Variants in RAD51B observed in about 807,000 individuals in gnomAD.
RAD51B encodes the protein DNA repair protein RAD51 homolog 2.
In RAD51B, 38 loss-of-function variants were observed where a neutral mutation model predicts 42.2. The observed-to-expected ratio is 0.90, with a 90% CI of 0.70 to 1.18. The LOEUF (loss-of-function observed/expected upper bound fraction) is 1.18. Ranked by LOEUF, RAD51B falls within the 50% of genes most tolerant of loss-of-function variation. The pLI is 0.00. For synonymous variants in RAD51B, 154 were observed against 145.2 expected, an observed-to-expected ratio of 1.06 and a Z score of -0.43; for missense variants, 373 against 400.7, an observed-to-expected ratio of 0.93 and a Z score of 0.59.
intron 5 of RAD51B, among the ~76,000 whole-genome samples, chr14:67,867,630 G>A (rs1017523755): frequency 1.3e-5 from 2 of 152,320 alleles, no homozygotes; most frequent in Non-Finnish European, 2.9e-5. Flanking sequence ...GGAGAAGATC[G>A]TCGTAACAAT....
Position 68,279,277 on chromosome 14 carries a change from G to A in RAD51B, c.757-12607G>A, listed in dbSNP as rs117431784. Among the ~76,000 whole-genome samples, 160 of 152,344 alleles carry A rather than the reference G, an allele frequency of 1.1e-3. No individual in the cohort carries two copies. The Middle Eastern group carries it at 0.02, about 19-fold the overall frequency. On this transcript the variant is annotated intron_variant, in intron 7 of 10. Coordinates refer to ENST00000471583, the MANE Select transcript of RAD51B (RefSeq NM_133510.4). Reference sequence around the variant, plus strand: ...AGCTTGCTTGTCCTCTCATTCCAAAGCATGTGGGCATCTGTTCTCGGCAGT... The same window carrying A: ...AGCTTGCTTGTCCTCTCATTCCAAAACATGTGGGCATCTGTTCTCGGCAGT...
intron 7 of RAD51B, among the ~76,000 whole-genome samples, chr14:68,002,669 T>C (rs2075507953): frequency 6.6e-6 from 1 of 152,198 alleles, no homozygotes; most frequent in African/African-American, 2.4e-5. Flanking sequence ...GGGTTTTACA[T>C]TTAAGTCTTT....
At chr14:68,091,507 G>A (rs2077098811) in intron 7 of RAD51B, among the ~76,000 whole-genome samples, 1 of 152,192 alleles carries the variant, frequency 6.6e-6, no homozygotes, top group South Asian at 2.1e-4. Context: ...CTTCTTTTGA[G>A]AAGTGTCTGT....
At chr14:68,641,904 T>G (rs1251486629) in intron 10 of RAD51B, among the ~76,000 whole-genome samples, 1 of 151,996 alleles carries the variant, frequency 6.6e-6, no homozygotes. Flanking sequence ...TGGATTACAT[T>G]AACTGATTTT....
chr14:68,025,230 G>C (rs2075933912), intron 7 of RAD51B, among the ~76,000 whole-genome samples: 2 of 152,034 alleles, frequency 1.3e-5, no homozygotes, highest in Non-Finnish European at 2.9e-5. Flanking sequence ...TTGATATGCT[G>C]CTGGATTCAG....
At chr14:68,261,347 G>T (rs2080885211) in intron 7 of RAD51B, among the ~76,000 whole-genome samples, 1 of 152,232 alleles carries the variant, frequency 6.6e-6, no homozygotes, top group Non-Finnish European at 1.5e-5. Flanking sequence ...AGGCCTCAAA[G>T]GTTCCCGGAG....
chr14:68,545,059 G>C (rs765235887), intron 10 of RAD51B, among the ~76,000 whole-genome samples: 9 of 152,174 alleles, frequency 5.9e-5, no homozygotes, highest in Non-Finnish European at 8.8e-5. Flanking sequence ...GAATGGGGTT[G>C]GTTCTTCACA....
intron 10 of RAD51B, among the ~76,000 whole-genome samples, chr14:68,624,486 C>G (rs2140117755): frequency 6.6e-6 from 1 of 152,298 alleles, no homozygotes; most frequent in East Asian, 1.9e-4. Flanking sequence ...GAAGTGGGGT[C>G]AAGGGATGGA....
chr14:68,014,531 T>C (rs1396046642), intron 7 of RAD51B, among the ~76,000 whole-genome samples: 2 of 152,128 alleles, frequency 1.3e-5, no homozygotes, highest in Admixed American at 6.6e-5. Context: ...AGGTGGAGTG[T>C]TTAACATCTT....
At chr14:68,060,161 C>T (rs912117432) in intron 7 of RAD51B, among the ~76,000 whole-genome samples, 1 of 152,112 alleles carries the variant, frequency 6.6e-6, no homozygotes, top group East Asian at 1.9e-4. Flanking sequence ...TGGAGTAGGT[C>T]AGTGTTTCTT....
At chr14:67,841,695 T>C (rs1304482395) in intron 4 of RAD51B, among the ~76,000 whole-genome samples, 2 of 152,164 alleles carry the variant, frequency 1.3e-5, no homozygotes, top group African/African-American at 4.8e-5. Context: ...CATTTTTTTA[T>C]TTTCGTTGAC....
At chr14:68,365,238 T>G (rs1325201327) in intron 8 of RAD51B, among the ~76,000 whole-genome samples, 1 of 152,184 alleles carries the variant, frequency 6.6e-6, no homozygotes, top group East Asian at 1.9e-4. Context: ...GGCCTGTAAG[T>G]AGAATAAAGA....
intron 7 of RAD51B, among the ~76,000 whole-genome samples, chr14:68,169,148 G>T (rs1012929060): frequency 6.6e-6 from 1 of 152,008 alleles, no homozygotes; most frequent in African/African-American, 2.4e-5. Flanking sequence ...AATGAATTTT[G>T]GTCTCTTTTT....
chr14:68,477,844 G>T lies in RAD51B; in HGVS notation c.*180G>T, dbSNP rs1566906323. On this transcript the variant is annotated 3_prime_UTR_variant, in exon 11 of 11. Transcript: ENST00000471583. The stretch of plus-strand genomic sequence containing the variant: ...AGCTAGCGATTTCAGACCTAGCAGG[G>T]AAGGTGAAGATGAAGAAGCCTTTGT... 2 of 1,435,642 alleles carry T rather than the reference G, an allele frequency of 1.4e-6. No individual in the cohort carries two copies. The highest frequency in any genetic ancestry group is 2.5e-5 in the East Asian group (1 of 39,416). 88.9% of individuals were successfully genotyped at this position (1,435,642 alleles called of 1,614,324 possible). A position where few individuals can be genotyped will look rare whatever the true frequency, so the allele number is the denominator to read the frequency against.
chr14:68,257,251 G>A (rs1053122255), intron 7 of RAD51B, among the ~76,000 whole-genome samples: 2 of 152,086 alleles, frequency 1.3e-5, no homozygotes, highest in Non-Finnish European at 2.9e-5. Context: ...TTGGGAATAA[G>A]AAAACATTTT....
At chr14:68,079,684 A>G (rs1389207104) in intron 7 of RAD51B, among the ~76,000 whole-genome samples, 4 of 152,246 alleles carry the variant, frequency 2.6e-5, no homozygotes, top group Non-Finnish European at 4.4e-5. Context: ...GTATATTAAA[A>G]ACATTAAAGA....
intron 8 of RAD51B, among the ~76,000 whole-genome samples, chr14:68,373,709 A>G (rs1247246222): frequency 6.6e-6 from 1 of 152,214 alleles, no homozygotes; most frequent in Non-Finnish European, 1.5e-5. Flanking sequence ...TGGGTGCAGC[A>G]AACCACCATG....
At chr14:68,199,723 G>C (rs927478285) in intron 7 of RAD51B, among the ~76,000 whole-genome samples, 1 of 152,186 alleles carries the variant, frequency 6.6e-6, no homozygotes, top group Non-Finnish European at 1.5e-5. Flanking sequence ...TCTCCCTCTA[G>C]GGAGGGCCTG....
At chr14:68,439,361 CTTG>C (rs932216406) in intron 9 of RAD51B, among the ~76,000 whole-genome samples, 2 of 152,180 alleles carry the variant, frequency 1.3e-5, no homozygotes, top group African/African-American at 2.4e-5. Context: ...GTGGTAGCTT[CTTG>C]TTGTTGCTAA....
Sources: allele counts gnomAD v4.1 joint callset (sites outside exome capture counted in the v4.1 genomes callset), GRCh38; gene constraint gnomAD v4.1.1; transcripts MANE v1.5; gene names NCBI Gene and HGNC (gene_info 2026-07-23, HGNC 2026-07-21).